Variants in DLGAP2 observed in about 807,000 individuals in gnomAD.
DLGAP2 encodes the protein DLG associated protein 2.
Under a neutral mutation model 100.3 loss-of-function variants are expected in DLGAP2, and 26 were observed. The ratio of observed to expected loss-of-function variants is 0.26; its 90% CI spans 0.19 to 0.36. DLGAP2 has a LOEUF of 0.36. Among genes scored for constraint, DLGAP2 ranks in the 10% least tolerant of loss-of-function variants. The pLI is 1.00. For missense variants in DLGAP2, 1,858 were observed against 1,453.2 expected (o/e 1.28, Z -4.53); for synonymous variants, 886 against 630.1 (o/e 1.41, Z -6.08).
At chr8:1,097,146 C>G (rs113850230) in intron 2 of DLGAP2, among the ~76,000 whole-genome samples, 864 of 47,842 alleles carry the variant, frequency 0.018, 8 homozygotes, top group Middle Eastern at 0.056. Context: ...CTGTGGCATG[C>G]AGAGGTCCCC....
chr8:1,348,642 G>T (rs536326777), intron 3 of DLGAP2, among the ~76,000 whole-genome samples: 27 of 152,262 alleles, frequency 1.8e-4, no homozygotes, highest in Non-Finnish European at 3.4e-4. Context: ...CCCACACAGA[G>T]CTGCATTGCT....
At chr8:1,488,759 G>A (rs1485693716) in intron 3 of DLGAP2, among the ~76,000 whole-genome samples, 5 of 152,190 alleles carry the variant, frequency 3.3e-5, no homozygotes, top group Non-Finnish European at 7.3e-5. Context: ...TTTATCTTCT[G>A]CATTCAGATG....
chr8:1,013,267 C>T (rs1801350039), intron 2 of DLGAP2, among the ~76,000 whole-genome samples: 1 of 152,120 alleles, frequency 6.6e-6, no homozygotes, highest in African/African-American at 2.4e-5. Flanking sequence ...GAACTAAGTG[C>T]CCACCATGTA....
intron 2 of DLGAP2, among the ~76,000 whole-genome samples, chr8:970,837 A>G (rs1021865908): frequency 6.6e-5 from 10 of 152,228 alleles, no homozygotes; most frequent in African/African-American, 2.4e-4. Context: ...AAGAGATGCA[A>G]TGAAATTTCC....
intron 3 of DLGAP2, among the ~76,000 whole-genome samples, chr8:1,287,493 T>C (rs1799954952): frequency 4.8e-5 from 2 of 41,638 alleles, no homozygotes; most frequent in African/African-American, 1.5e-4. Flanking sequence ...TGTGTGTGTG[T>C]GTGGTTCTGT....
chr8:1,257,292 G>A lies in DLGAP2; in HGVS notation c.74-1559G>A, dbSNP rs1050154795. 1.1e-4 allele frequency among the ~76,000 whole-genome samples: 17 copies of A among 152,134 alleles called. 1 individual carries two copies. In the East Asian group the frequency reaches 2.5e-3, roughly 23 times the overall value. On this transcript the variant is annotated intron_variant, in intron 2 of 14. Coordinates refer to ENST00000637795, the MANE Select transcript of DLGAP2 (RefSeq NM_001346810.2). ...CGCCCAGCCACCAAGGTCACCTTCCGAAGGAACCATGAGAGCCTGTGAGGC... is the reference window on the plus strand; with the variant it reads ...CGCCCAGCCACCAAGGTCACCTTCCAAAGGAACCATGAGAGCCTGTGAGGC...
chr8:842,319 G>T (rs1309493769), intron 1 of DLGAP2, among the ~76,000 whole-genome samples: 1 of 152,166 alleles, frequency 6.6e-6, no homozygotes, highest in Non-Finnish European at 1.5e-5. Context: ...TGAAGACCAG[G>T]TTTGCTGCGT....
intron 2 of DLGAP2, among the ~76,000 whole-genome samples, chr8:977,798 G>GGAGCTGGGTTCT (rs1800208164): frequency 9.1e-6 from 1 of 109,392 alleles, no homozygotes; most frequent in Admixed American, 9.4e-5. Flanking sequence ...GATGCAGTGA[G>GGAGCTGGGTTCT]GTGCTGGGTT....
At chr8:1,197,311 A>G (rs991379708) in intron 2 of DLGAP2, among the ~76,000 whole-genome samples, 1 of 152,220 alleles carries the variant, frequency 6.6e-6, no homozygotes, top group African/African-American at 2.4e-5. Context: ...CCATGCTGAC[A>G]CAGAATTCAC....
intron 3 of DLGAP2, among the ~76,000 whole-genome samples, chr8:1,267,581 A>AATAAAATAAAAT (rs1799484613): frequency 4.6e-5 from 3 of 64,956 alleles, no homozygotes; most frequent in African/African-American, 2.4e-4. Context: ...AATAAAATAA[A>AATAAAATAAAAT]ATAAAATAAG....
chr8:1,178,655 C>G lies in DLGAP2; in HGVS notation c.74-80196C>G, dbSNP rs1042990263. Among the ~76,000 whole-genome samples the G allele has an allele frequency of 4.6e-5, 7 of 152,112 alleles. No homozygotes were observed. The East Asian group carries it at 1.2e-3, about 25-fold the overall frequency. On this transcript the variant is annotated intron_variant, in intron 2 of 14. Coordinates refer to ENST00000637795, the MANE Select transcript of DLGAP2 (RefSeq NM_001346810.2). ...TGAAGTATAAATGCAGCTCAGCTCT[C>G]AAACCCACCTTGAATGGATTTTGGG...
intron 3 of DLGAP2, among the ~76,000 whole-genome samples, chr8:1,360,600 T>C (rs1394562194): frequency 1.3e-5 from 2 of 150,242 alleles, no homozygotes; most frequent in African/African-American, 2.4e-5. Flanking sequence ...ACACAGGGAA[T>C]CCACAGGAAA....
intron 3 of DLGAP2, among the ~76,000 whole-genome samples, chr8:1,327,838 C>T (rs1011931992): frequency 1.4e-4 from 22 of 151,996 alleles, no homozygotes; most frequent in Admixed American, 1.2e-3. Context: ...AGGGAGACTC[C>T]GTCTCAAAAA....
intron 6 of DLGAP2, among the ~76,000 whole-genome samples, chr8:1,595,251 G>A (rs1007964784): frequency 6.6e-6 from 1 of 151,830 alleles, no homozygotes; most frequent in Non-Finnish European, 1.5e-5. Context: ...ATGTTTCCCA[G>A]GTTTTACGGG....
At chr8:853,821 G>C (rs1177862271) in intron 1 of DLGAP2, among the ~76,000 whole-genome samples, 2 of 152,156 alleles carry the variant, frequency 1.3e-5, no homozygotes, top group Non-Finnish European at 2.9e-5. Context: ...TCTTTATGTT[G>C]ATTCTCTCTG....
intron 3 of DLGAP2, among the ~76,000 whole-genome samples, chr8:1,295,654 T>G (rs1800154311): frequency 6.6e-6 from 1 of 152,186 alleles, no homozygotes; most frequent in South Asian, 2.1e-4. Context: ...TTGAAGTGTT[T>G]CGTAAAAGCC....
chr8:1,588,308 G>C (rs1279961385), intron 6 of DLGAP2, among the ~76,000 whole-genome samples: 1 of 152,036 alleles, frequency 6.6e-6, no homozygotes, highest in Admixed American at 6.6e-5. Context: ...GAAGAGAACA[G>C]AGCAAAAAAG....
intron 3 of DLGAP2, among the ~76,000 whole-genome samples, chr8:1,382,552 A>G (rs1796120445): frequency 6.6e-6 from 1 of 152,146 alleles, no homozygotes; most frequent in African/African-American, 2.4e-5. Context: ...CCTGGGCAAC[A>G]CAGTGAGACC....
At position 1,235,037 on chromosome 8, in the gene DLGAP2, A is replaced by G. The variant is rs1268452165; in HGVS notation, c.74-23814A>G. 1.1e-4 allele frequency among the ~76,000 whole-genome samples: 16 copies of G among 150,700 alleles called. No homozygotes were observed. The East Asian group carries it at 2.4e-3, about 22-fold the overall frequency. The stretch of plus-strand genomic sequence containing the variant: ...AGCGTTGTGTCTAATTCTCTCTCAC[A>G]TGGCGCCATGTCTAGTTCTCTCACA... On this transcript the variant is annotated intron_variant, in intron 2 of 14. Transcript: ENST00000637795.
Sources: allele counts gnomAD v4.1 joint callset (sites outside exome capture counted in the v4.1 genomes callset), GRCh38; gene constraint gnomAD v4.1.1; transcripts MANE v1.5; gene names NCBI Gene and HGNC (gene_info 2026-07-23, HGNC 2026-07-21).